The following ANKRD11 variants were observed in gnomAD, a reference collection of about 807,000 sequenced individuals.
The protein encoded by ANKRD11 is ankyrin repeat domain-containing protein 11.
ANKRD11 carries 17 observed loss-of-function variants against 195.7 expected under a neutral mutation model. The ratio of observed to expected loss-of-function variants is 0.09; its 90% CI spans 0.06 to 0.13. The LOEUF is 0.13. Ranked by LOEUF, ANKRD11 falls within the 10% of genes least tolerant of loss-of-function variation. The probability of loss-of-function intolerance (pLI) is 1.00; values close to 1 mark genes in which losing one functional copy is unlikely to be tolerated. For synonymous variants in ANKRD11, 1,953 were observed against 1,528.1 expected (o/e 1.28, Z -6.49); for missense variants, 3,735 against 3,566.1 (o/e 1.05, Z -1.21).
In ANKRD11 at chr16:89,283,204, C is replaced by G. The variant is rs779064631; in HGVS notation, c.3338G>C (p.Trp1113Ser). ...KDDKKGKEKS[W>S]YIADIFTDES... The stretch of plus-strand genomic sequence containing the variant: ...ATCTGTGAAGATGTCTGCGATGTAC[C>G]AGCTTTTCTCTTTGCCTTTCTTGTC... The change falls in exon 9 of 13, where the codon TGG becomes TCG. Residue 1113 changes from tryptophan (W) to serine (S), a missense_variant. By Grantham distance (177) the Trp-to-Ser change is radical. Coordinates refer to ENST00000301030, the MANE Select transcript of ANKRD11 (RefSeq NM_013275.6). The surrounding 1 kb of genome is among the most constrained non-coding windows in gnomAD (Gnocchi z 4.3). 1 of 1,614,134 alleles carries G rather than the reference C, an allele frequency of 6.2e-7. No individual in the cohort carries two copies. Among genetic ancestry groups the G allele is most frequent in the Non-Finnish European group, 8.5e-7 (1 of 1,180,028 alleles).
In ANKRD11 at chr16:89,381,799, T is replaced by C. The variant is rs115397563; in HGVS notation, c.-60+36485A>G. Among the ~76,000 whole-genome samples the C allele has an allele frequency of 3.9e-3, 600 of 152,284 alleles. 2 individuals carry two copies. Among genetic ancestry groups the C allele is most frequent in the African/African-American group, 0.014 (569 of 41,552 alleles). ...TGTGAACAAGTGTTCCCCGAGCACA[T>C]TGACCCCACGCGAATGGGGGGAAGA... On this transcript the variant is annotated intron_variant, in intron 2 of 12. Coordinates refer to ENST00000301030, the MANE Select transcript of ANKRD11 (RefSeq NM_013275.6).
intron 11 of ANKRD11, chr16:89,271,960 C>T (rs2151682937): frequency 6.6e-6 from 1 of 152,172 alleles, no homozygotes; most frequent in South Asian, 2.1e-4. Context: ...AAAAGACACG[C>T]ACAGAATGGG....
intron 2 of ANKRD11, among the ~76,000 whole-genome samples, chr16:89,384,874 G>GTTTTTTTTTTTTTTTTTTTTT (rs1257714722): frequency 2.7e-5 from 2 of 72,750 alleles, no homozygotes; most frequent in African/African-American, 5.6e-5. Flanking sequence ...ATGAGAAATA[G>GTTTTTTTTTTTTTTTTTTTTT]TTTTCTTTTT....
intron 4 of ANKRD11, chr16:89,301,703 C>T (rs2035864982): frequency 1.0e-5 from 4 of 398,588 alleles, no homozygotes; most frequent in Non-Finnish European, 1.8e-5. Context: ...GGCTGCTGTG[C>T]AGGGACCACG....
intron 2 of ANKRD11, among the ~76,000 whole-genome samples, chr16:89,407,779 G>A (rs994342498): frequency 6.6e-6 from 1 of 151,244 alleles, no homozygotes; most frequent in Admixed American, 6.6e-5. Context: ...GAGCCCAGGA[G>A]GCAGAGGCTG....
chr16:89,480,112 A>G (rs1208319132), intron 1 of ANKRD11, among the ~76,000 whole-genome samples: 2 of 149,346 alleles, frequency 1.3e-5, no homozygotes, highest in Non-Finnish European at 3.0e-5. Flanking sequence ...CTCAGTCTCA[A>G]AAAAAAAAAA....
chr16:89,405,491 ATTT>A (rs60792139), intron 2 of ANKRD11, among the ~76,000 whole-genome samples: 3 of 111,452 alleles, frequency 2.7e-5, no homozygotes, highest in Non-Finnish European at 1.8e-5. Flanking sequence ...CACCTGGCTC[ATTT>A]TTTTTTTTTT....
chr16:89,415,335 G>A (rs774303143), intron 2 of ANKRD11, among the ~76,000 whole-genome samples: 20 of 141,888 alleles, frequency 1.4e-4, no homozygotes, highest in Non-Finnish European at 2.7e-4. Flanking sequence ...TGCGATCTCG[G>A]TTTACTGCAA....
At chr16:89,478,671 G>A (rs890856797) in intron 1 of ANKRD11, among the ~76,000 whole-genome samples, 5 of 152,326 alleles carry the variant, frequency 3.3e-5, no homozygotes, top group East Asian at 1.9e-4. Flanking sequence ...CCGGCTACGC[G>A]CAGCTCTCCG....
At chr16:89,401,270 G>T (rs1046278467) in intron 2 of ANKRD11, among the ~76,000 whole-genome samples, 2 of 152,070 alleles carry the variant, frequency 1.3e-5, no homozygotes, top group African/African-American at 2.4e-5. Flanking sequence ...GTAGAGACCG[G>T]GTTTCGCCAT....
intron 3 of ANKRD11, among the ~76,000 whole-genome samples, chr16:89,307,992 A>G (rs899556022): frequency 2.6e-5 from 4 of 151,598 alleles, no homozygotes; most frequent in African/African-American, 9.7e-5. Context: ...GATGAGGGGA[A>G]GGTTCTACCA....
intron 1 of ANKRD11, among the ~76,000 whole-genome samples, chr16:89,455,272 T>C (rs940721635): frequency 6.7e-6 from 1 of 148,644 alleles, no homozygotes; most frequent in African/African-American, 2.5e-5. Flanking sequence ...GCTGCTCCCC[T>C]GGGTGCTTCT....
At chr16:89,346,672 G>A (rs901516561) in intron 2 of ANKRD11, among the ~76,000 whole-genome samples, 5 of 152,140 alleles carry the variant, frequency 3.3e-5, no homozygotes, top group East Asian at 1.9e-4. Context: ...TAGGAATTTC[G>A]AATATTCAAA....
intron 1 of ANKRD11, among the ~76,000 whole-genome samples, chr16:89,477,244 G>A (rs1249252354): frequency 6.6e-6 from 1 of 150,814 alleles, no homozygotes; most frequent in Non-Finnish European, 1.5e-5. Flanking sequence ...CCAAGCTGGA[G>A]TGCAGTGGCG....
At chr16:89,350,494 C>A (rs1263364602) in intron 2 of ANKRD11, among the ~76,000 whole-genome samples, 1 of 152,208 alleles carries the variant, frequency 6.6e-6, no homozygotes. Flanking sequence ...TACTGACATA[C>A]ACCACAGAAC....
intron 4 of ANKRD11, among the ~76,000 whole-genome samples, chr16:89,293,814 C>T (rs183723364): frequency 2.6e-5 from 4 of 151,966 alleles, no homozygotes; most frequent in Admixed American, 1.3e-4. Flanking sequence ...GAAGTGCAGG[C>T]GTTGCCATGC....
At chr16:89,376,163 G>C (rs1253387277) in intron 2 of ANKRD11, among the ~76,000 whole-genome samples, 2 of 152,186 alleles carry the variant, frequency 1.3e-5, no homozygotes, top group African/African-American at 4.8e-5. Flanking sequence ...GAAAATGTGT[G>C]GGTGCAGGAT....
intron 2 of ANKRD11, among the ~76,000 whole-genome samples, chr16:89,388,667 C>G (rs1031137644): frequency 1.3e-5 from 2 of 152,144 alleles, no homozygotes; most frequent in Non-Finnish European, 2.9e-5. Context: ...CTGCGATGAG[C>G]CGGGGACCCC....
chr16:89,281,958 G>T lies in ANKRD11; in HGVS notation c.4584C>A (p.Ala1528=), dbSNP rs138049736. ...CGTCCTTGAATTTCTCCTTCAGTTT[G>T]GCATCGCCGAGCCTCGGGCCCTCGT... The part of the protein sequence containing the change: ...SRDEGPRLGD[A]KLKEKFKDGA... Residue 1528 remains alanine (A), a synonymous_variant, in exon 9 of 13, where the codon GCC becomes GCA. Transcript: ENST00000301030. This position sits in a 1 kb window ranked among gnomAD's most constrained non-coding sequence, Gnocchi z 5.5. 6.2e-7 allele frequency: 1 copy of T among 1,612,736 alleles called. No homozygotes were observed. The highest frequency in any genetic ancestry group is 8.5e-7 in the Non-Finnish European group (1 of 1,180,026).
Sources: allele counts gnomAD v4.1 joint callset (sites outside exome capture counted in the v4.1 genomes callset), GRCh38; gene constraint gnomAD v4.1.1; non-coding constraint Gnocchi (gnomAD v3.1); transcripts MANE v1.5; gene names NCBI Gene and HGNC (gene_info 2026-07-23, HGNC 2026-07-21).